Variants in KCNIP4 observed in about 807,000 individuals in gnomAD.
The protein encoded by KCNIP4 is Kv channel-interacting protein 4.
In KCNIP4, 12 loss-of-function variants were observed where a neutral mutation model predicts 34.0. The ratio of observed to expected loss-of-function variants is 0.35; its 90% CI spans 0.23 to 0.57. The LOEUF is 0.57. Ranked by LOEUF, KCNIP4 falls within the 20% of genes least tolerant of loss-of-function variation. The probability of loss-of-function intolerance (pLI) is 0.83; values close to 1 mark genes in which losing one functional copy is unlikely to be tolerated. For synonymous variants in KCNIP4, 124 were observed against 102.2 expected, an observed-to-expected ratio of 1.21 and a Z score of -1.29; for missense variants, 238 against 311.7, an observed-to-expected ratio of 0.76 and a Z score of 1.78.
At chr4:21,182,035 A>G (rs1036093367) in intron 1 of KCNIP4, among the ~76,000 whole-genome samples, 2 of 152,142 alleles carry the variant, frequency 1.3e-5, no homozygotes, top group African/African-American at 4.8e-5. Flanking sequence ...AGATATAATT[A>G]TGACTATAGC....
intron 1 of KCNIP4, among the ~76,000 whole-genome samples, chr4:21,283,835 TA>T (rs1762936070): frequency 6.6e-6 from 1 of 151,720 alleles, no homozygotes. Flanking sequence ...CATGCTACTA[TA>T]AAGACACACA....
At chr4:21,246,607 G>C (rs544659248) in intron 1 of KCNIP4, among the ~76,000 whole-genome samples, 2 of 152,118 alleles carry the variant, frequency 1.3e-5, no homozygotes, top group Non-Finnish European at 2.9e-5. Context: ...AGGCAATTTT[G>C]ATACACCTAC....
intron 1 of KCNIP4, among the ~76,000 whole-genome samples, chr4:20,932,415 C>G (rs1167649504): frequency 1.5e-5 from 2 of 129,340 alleles, no homozygotes; most frequent in Non-Finnish European, 3.2e-5. Context: ...TAGTCTATAA[C>G]AGTCTAATAT....
At chr4:21,907,422 C>T (rs1298558307) in intron 1 of KCNIP4, among the ~76,000 whole-genome samples, 1 of 152,154 alleles carries the variant, frequency 6.6e-6, no homozygotes, top group Non-Finnish European at 1.5e-5. Context: ...GCCTCCAGAA[C>T]TACTAGCCAA....
intron 1 of KCNIP4, among the ~76,000 whole-genome samples, chr4:20,971,050 G>T (rs1354876398): frequency 6.6e-6 from 1 of 152,232 alleles, no homozygotes; most frequent in African/African-American, 2.4e-5. Flanking sequence ...ATAAGAAGGA[G>T]TTAATCAGAA....
At chr4:21,723,955 A>T (rs1332385789) in intron 1 of KCNIP4, among the ~76,000 whole-genome samples, 1 of 152,082 alleles carries the variant, frequency 6.6e-6, no homozygotes, top group Non-Finnish European at 1.5e-5. Flanking sequence ...CCAATTTTAT[A>T]TGCAGGCCTT....
Position 21,656,326 on chromosome 4 carries a change from T to C in KCNIP4, c.61+292245A>G, listed in dbSNP as rs532764855. 6.6e-5 allele frequency among the ~76,000 whole-genome samples: 10 copies of C among 152,340 alleles called. No homozygotes were observed. In the East Asian group the frequency reaches 1.5e-3, roughly 24 times the overall value. On this transcript the variant is annotated intron_variant, in intron 1 of 8. Transcript: ENST00000382152. ...ACATTGGATTAAGGGCCCATATTTC[T>C]GCAGTATGACCTCATCTTAACTAAT...
At chr4:21,379,219 A>C (rs927390064) in intron 1 of KCNIP4, among the ~76,000 whole-genome samples, 1 of 152,188 alleles carries the variant, frequency 6.6e-6, no homozygotes, top group African/African-American at 2.4e-5. Context: ...CCTTGTATGA[A>C]TCTTTCACTA....
chr4:21,905,177 G>T (rs980523967), intron 1 of KCNIP4, among the ~76,000 whole-genome samples: 5 of 152,170 alleles, frequency 3.3e-5, no homozygotes, highest in Admixed American at 2.6e-4. Context: ...TTGGACCTTG[G>T]GTATAAGGTG....
chr4:20,967,339 A>G (rs541508033), intron 1 of KCNIP4, among the ~76,000 whole-genome samples: 1 of 152,322 alleles, frequency 6.6e-6, no homozygotes, highest in East Asian at 1.9e-4. Context: ...AATATCGTGA[A>G]AATGGCCATA....
At chr4:20,984,131 G>T (rs1560622005) in intron 1 of KCNIP4, 1 of 698,464 alleles carries the variant, frequency 1.4e-6, no homozygotes, top group Non-Finnish European at 2.3e-6. Flanking sequence ...GCTGATCCTG[G>T]CATTTGGCTG....
chr4:21,758,405 T>C (rs1413667568), intron 1 of KCNIP4, among the ~76,000 whole-genome samples: 3 of 152,200 alleles, frequency 2.0e-5, no homozygotes, highest in African/African-American at 7.2e-5. Context: ...GACCCCCACA[T>C]GTCTCTTTGA....
chr4:21,872,175 C>T (rs2109367868), intron 1 of KCNIP4, among the ~76,000 whole-genome samples: 1 of 152,168 alleles, frequency 6.6e-6, no homozygotes, highest in South Asian at 2.1e-4. Context: ...CTGATCCTGA[C>T]TACAAAAGGT....
chr4:21,526,037 G>A (rs1283798053), intron 1 of KCNIP4, among the ~76,000 whole-genome samples: 1 of 152,026 alleles, frequency 6.6e-6, no homozygotes, highest in Non-Finnish European at 1.5e-5. Context: ...ATATGCAGAT[G>A]GCATATGAAT....
At chr4:21,672,304 A>T (rs1749566471) in intron 1 of KCNIP4, among the ~76,000 whole-genome samples, 1 of 152,124 alleles carries the variant, frequency 6.6e-6, no homozygotes. Flanking sequence ...AACAAAACAA[A>T]AAGATACTGG....
chr4:21,102,658 T>C (rs570238980), intron 1 of KCNIP4, among the ~76,000 whole-genome samples: 1 of 152,362 alleles, frequency 6.6e-6, no homozygotes, highest in African/African-American at 2.4e-5. Flanking sequence ...TAATTCTGTC[T>C]ATAATTCTGT....
At chr4:21,822,396 C>T (rs1180334067) in intron 1 of KCNIP4, among the ~76,000 whole-genome samples, 1 of 152,098 alleles carries the variant, frequency 6.6e-6, no homozygotes, top group Non-Finnish European at 1.5e-5. Context: ...GAGTCTCAAC[C>T]CAATAATCCA....
chr4:20,997,175 C>A (rs1220911859), intron 1 of KCNIP4, among the ~76,000 whole-genome samples: 1 of 152,126 alleles, frequency 6.6e-6, no homozygotes, highest in Non-Finnish European at 1.5e-5. Flanking sequence ...AGTATCTGGT[C>A]CGTTTCATCT....
chr4:21,481,770 T>C (rs2109834684), intron 1 of KCNIP4, among the ~76,000 whole-genome samples: 1 of 152,282 alleles, frequency 6.6e-6, no homozygotes, highest in South Asian at 2.1e-4. Flanking sequence ...ACCTCACTTT[T>C]CTTTGCATGC....
Sources: allele counts gnomAD v4.1 joint callset (sites outside exome capture counted in the v4.1 genomes callset), GRCh38; gene constraint gnomAD v4.1.1; transcripts MANE v1.5; gene names NCBI Gene and HGNC (gene_info 2026-07-23, HGNC 2026-07-21).